Variants in LRRC49 observed in about 807,000 individuals in gnomAD.
LRRC49 encodes the protein leucine-rich repeat-containing protein 49.
In LRRC49, 50 loss-of-function variants were observed where a neutral mutation model predicts 83.3. The observed-to-expected ratio is 0.60, with a 90% CI of 0.48 to 0.76. The LOEUF is 0.76. LRRC49 is among the 30% of genes least tolerant of loss of function. The pLI is 0.00. For missense variants in LRRC49, 704 were observed against 809.1 expected (o/e 0.87, Z 1.58); for synonymous variants, 286 against 283.3 (o/e 1.01, Z -0.10).
chr15:70,986,964 C>G (rs1475708395), intron 11 of LRRC49, among the ~76,000 whole-genome samples: 2 of 152,158 alleles, frequency 1.3e-5, no homozygotes, highest in Non-Finnish European at 2.9e-5. Flanking sequence ...TTGAGCCATC[C>G]TTGCATCCCA....
At chr15:70,992,476 A>G (rs571121677) in intron 11 of LRRC49, among the ~76,000 whole-genome samples, 4 of 152,228 alleles carry the variant, frequency 2.6e-5, no homozygotes, top group African/African-American at 9.6e-5. Flanking sequence ...TGACGTACAG[A>G]TGGGGTTTTG....
chr15:70,885,519 T>C (rs570650600), intron 2 of LRRC49, among the ~76,000 whole-genome samples: 1 of 152,282 alleles, frequency 6.6e-6, no homozygotes, highest in South Asian at 2.1e-4. Flanking sequence ...GGGGTAACCA[T>C]AGGACAGAAT....
intron 8 of LRRC49, among the ~76,000 whole-genome samples, chr15:70,956,952 A>C (rs1238854403): frequency 6.6e-6 from 1 of 152,182 alleles, no homozygotes; most frequent in Non-Finnish European, 1.5e-5. Context: ...TCCTGATGCC[A>C]CTTTTTTGTT....
chr15:70,950,373 C>T (rs1055079288), intron 8 of LRRC49, among the ~76,000 whole-genome samples: 2 of 152,166 alleles, frequency 1.3e-5, no homozygotes, highest in South Asian at 2.1e-4. Flanking sequence ...GGAATCTCCA[C>T]ACTGCTTTCC....
chr15:70,911,668 G>C lies in LRRC49; in HGVS notation c.567+70G>C, dbSNP rs542726819. 2.0e-5 allele frequency: 18 copies of C among 901,260 alleles called. No individual in the cohort carries two copies. In the Admixed American group the frequency reaches 4.6e-4, roughly 23 times the overall value. 55.8% of individuals were successfully genotyped at this position (901,260 alleles called of 1,614,324 possible). ...CAGGAAAATGGTATAAAAGTTTTAA[G>C]AATCATACTCGCATTGAATTTTTCA... On this transcript the variant is annotated intron_variant, in intron 6 of 15. Coordinates refer to ENST00000260382, the MANE Select transcript of LRRC49 (RefSeq NM_017691.5).
chr15:70,883,806 C>T (rs1046360530), intron 2 of LRRC49, among the ~76,000 whole-genome samples: 1 of 151,842 alleles, frequency 6.6e-6, no homozygotes, highest in Non-Finnish European at 1.5e-5. Context: ...AGGTGCCTGC[C>T]ACCATGCCTG....
At chr15:70,923,087 C>A (rs2035066749) in intron 7 of LRRC49, among the ~76,000 whole-genome samples, 2 of 151,864 alleles carry the variant, frequency 1.3e-5, no homozygotes, top group South Asian at 2.1e-4. Context: ...TAGTATTTTT[C>A]TTATTATTTA....
At chr15:70,959,323 C>G (rs1479276759) in intron 8 of LRRC49, among the ~76,000 whole-genome samples, 2 of 152,032 alleles carry the variant, frequency 1.3e-5, no homozygotes, top group African/African-American at 4.8e-5. Flanking sequence ...AACCCTGTCT[C>G]TACTAAAAAT....
chr15:71,041,736 T>C (rs1227872353), intron 15 of LRRC49, among the ~76,000 whole-genome samples: 1 of 152,164 alleles, frequency 6.6e-6, no homozygotes, highest in Admixed American at 6.5e-5. Context: ...AACTTTTTTG[T>C]TGAGGCTTTT....
intron 5 of LRRC49, chr15:70,907,770 A>G (rs1217209234): frequency 5.6e-6 from 2 of 354,638 alleles, no homozygotes; most frequent in East Asian, 7.3e-5. Context: ...GCCTCAGGTG[A>G]TGGGTGAGCC....
chr15:70,973,454 G>T (rs953746795), intron 9 of LRRC49, among the ~76,000 whole-genome samples: 1 of 152,190 alleles, frequency 6.6e-6, no homozygotes, highest in African/African-American at 2.4e-5. Context: ...TCAGAAGGCA[G>T]GGGGGTCAGG....
chr15:71,022,107 T>C (rs2141277914), intron 14 of LRRC49, among the ~76,000 whole-genome samples: 1 of 152,290 alleles, frequency 6.6e-6, no homozygotes, highest in Non-Finnish European at 1.5e-5. Flanking sequence ...GCCTGGTGGC[T>C]CATGCCTATA....
At chr15:70,917,647 A>G (rs1238146782) in intron 6 of LRRC49, among the ~76,000 whole-genome samples, 2 of 152,140 alleles carry the variant, frequency 1.3e-5, no homozygotes, top group Admixed American at 6.5e-5. Flanking sequence ...TGACTTTCCT[A>G]GTACAGAGGA....
Position 71,012,856 on chromosome 15 carries a change from A to T in LRRC49, c.1646A>T (p.His549Leu). The T allele has an allele frequency of 2.5e-6, 4 of 1,613,378 alleles. No individual in the cohort carries two copies. Among genetic ancestry groups the T allele is most frequent in the Non-Finnish European group, 2.5e-6 (3 of 1,179,508 alleles). The stretch of plus-strand genomic sequence containing the variant: ...GAAAGGCTCTTTGGAATCCTAGCAC[A>T]TGTAGCATCTTCTGAGTTACCCCAG... ...MAERLFGILA[H>L]VASSELPQYR... Residue 549 changes from histidine (H) to leucine (L), a missense_variant, in exon 14 of 16, where the codon CAT becomes CTT. Transcript: ENST00000260382.
intron 14 of LRRC49, among the ~76,000 whole-genome samples, chr15:71,027,754 G>T (rs2039221982): frequency 6.6e-6 from 1 of 152,118 alleles, no homozygotes; most frequent in Admixed American, 6.6e-5. Context: ...GTCTGTTGTT[G>T]GTGTATAGGA....
intron 4 of LRRC49, 93 bp from the exon 5 acceptor site, chr15:70,904,459 A>T: frequency 2.4e-6 from 2 of 818,724 alleles, no homozygotes; most frequent in Non-Finnish European, 3.9e-6. Context: ...TTCTCCTCAC[A>T]GAATGGGAGC....
intron 6 of LRRC49, among the ~76,000 whole-genome samples, chr15:70,913,825 T>C (rs1196683037): frequency 2.6e-5 from 4 of 152,056 alleles, no homozygotes; most frequent in Admixed American, 2.6e-4. Context: ...TCTTTAAGAG[T>C]TTGTGAGTAC....
intron 9 of LRRC49, among the ~76,000 whole-genome samples, chr15:70,969,814 T>C (rs1422149215): frequency 6.6e-6 from 1 of 152,226 alleles, no homozygotes; most frequent in African/African-American, 2.4e-5. Flanking sequence ...TTGTGATTTT[T>C]GGATATTGAT....
chr15:70,912,503 A>G (rs1050467917), intron 6 of LRRC49, among the ~76,000 whole-genome samples: 2 of 151,940 alleles, frequency 1.3e-5, no homozygotes, highest in African/African-American at 4.8e-5. Context: ...ATTCTTTTCA[A>G]CATTTTGATT....
Sources: allele counts gnomAD v4.1 joint callset (sites outside exome capture counted in the v4.1 genomes callset), GRCh38; gene constraint gnomAD v4.1.1; transcripts MANE v1.5; gene names NCBI Gene and HGNC (gene_info 2026-07-23, HGNC 2026-07-21).